Variants in PTPRA observed in about 807,000 individuals in gnomAD.
The protein encoded by PTPRA is receptor-type tyrosine-protein phosphatase alpha.
Under a neutral mutation model 104.8 loss-of-function variants are expected in PTPRA, and 25 were observed. The observed-to-expected ratio is 0.24, with a 90% confidence interval of 0.17 to 0.33. The LOEUF (loss-of-function observed/expected upper bound fraction) is 0.33, where lower values mean the gene tolerates loss of function less well. Among genes scored for constraint, PTPRA ranks in the 10% least tolerant of loss-of-function variants. The probability of loss-of-function intolerance (pLI) is 1.00; values close to 1 mark genes in which losing one functional copy is unlikely to be tolerated. For synonymous variants in PTPRA, 323 were observed against 368.9 expected (o/e 0.88, Z 1.43); for missense variants, 765 against 1,015.3 (o/e 0.75, Z 3.35).
chr20:3,031,561 C>G (rs937889608), intron 20 of PTPRA, among the ~76,000 whole-genome samples: 2 of 152,172 alleles, frequency 1.3e-5, no homozygotes, highest in Non-Finnish European at 2.9e-5. Context: ...CCTCAGCCAC[C>G]TGATCCCATG....
At chr20:2,943,217 C>T (rs936781352) in intron 2 of PTPRA, among the ~76,000 whole-genome samples, 2 of 145,616 alleles carry the variant, frequency 1.4e-5, no homozygotes, top group Admixed American at 6.8e-5. Context: ...CCCCCCACCC[C>T]CCCCCCAGAT....
chr20:3,002,288 C>T (rs1206346806), intron 9 of PTPRA, among the ~76,000 whole-genome samples: 1 of 151,576 alleles, frequency 6.6e-6, no homozygotes, highest in Non-Finnish European at 1.5e-5. Context: ...CTTCCCAGTC[C>T]ACTTTTGCCT....
chr20:2,981,709 A>C (rs1230231393), intron 6 of PTPRA, among the ~76,000 whole-genome samples: 4 of 152,176 alleles, frequency 2.6e-5, no homozygotes, highest in Non-Finnish European at 5.9e-5. Context: ...CTGTGGGTGT[A>C]CTGGTGCTGG....
At position 3,035,957 on chromosome 20, in the gene PTPRA, GCCCT is replaced by G; in HGVS notation, c.2198+18_2198+21del. On this transcript the variant is annotated intron_variant, in intron 22 of 23. Transcript: ENST00000399903. The surrounding 1 kb of genome is among the most constrained non-coding windows in gnomAD (Gnocchi z 5.8). ...TGCACTGCAGGTATGGCTCACCCTT[GCCCT>G]CAGCGGGAGAGAGAAAGCGAGGAGG... The G allele has an allele frequency of 6.2e-7, 1 of 1,613,106 alleles. No individual in the cohort carries two copies. Among genetic ancestry groups the G allele is most frequent in the Non-Finnish European group, 8.5e-7 (1 of 1,179,964 alleles).
intron 5 of PTPRA, among the ~76,000 whole-genome samples, chr20:2,969,953 G>A (rs1265786253): frequency 1.4e-5 from 2 of 143,048 alleles, no homozygotes; most frequent in Non-Finnish European, 3.0e-5. Context: ...CTGGGCAACA[G>A]AGCAAGACTC....
At chr20:2,994,271 G>C (rs1406344326) in intron 9 of PTPRA, among the ~76,000 whole-genome samples, 1 of 152,160 alleles carries the variant, frequency 6.6e-6, no homozygotes, top group Non-Finnish European at 1.5e-5. Context: ...TTATTGAAGG[G>C]TTCTGGGTCT....
At chr20:2,915,698 T>C (rs867962309) in intron 1 of PTPRA, among the ~76,000 whole-genome samples, 4 of 152,222 alleles carry the variant, frequency 2.6e-5, no homozygotes, top group Non-Finnish European at 5.9e-5. Flanking sequence ...AAGAATTTTA[T>C]AGTTTTAGAC....
At chr20:2,871,366 C>T (rs1280174024), upstream of PTPRA, among the ~76,000 whole-genome samples, 1 of 152,056 alleles carries the variant, frequency 6.6e-6, no homozygotes, top group Non-Finnish European at 1.5e-5. Context: ...ACTACCACGC[C>T]CAACAACAAT....
chr20:2,910,589 G>GTTTTTTTTTTTT (rs1423909050), intron 1 of PTPRA, among the ~76,000 whole-genome samples: 84 of 57,826 alleles, frequency 1.5e-3, no homozygotes, highest in African/African-American at 3.1e-3. Context: ...TTTTTTTTTT[G>GTTTTTTTTTTTT]TTTTTTTTTT....
chr20:2,994,682 A>G (rs191497782), intron 9 of PTPRA, among the ~76,000 whole-genome samples: 84 of 152,292 alleles, frequency 5.5e-4, no homozygotes, highest in African/African-American at 1.9e-3. Flanking sequence ...CTTTGTGCCC[A>G]GGTTTTTCTG....
chr20:2,904,992 T>C (rs776373950), intron 1 of PTPRA, among the ~76,000 whole-genome samples: 4 of 152,186 alleles, frequency 2.6e-5, no homozygotes, highest in Admixed American at 1.3e-4. Flanking sequence ...TGTTAGGAAC[T>C]GGGCCACACA....
chr20:3,027,095 G>C, intron 18 of PTPRA, 26 bp from the exon 19 acceptor site: 1 of 1,610,950 alleles, frequency 6.2e-7, no homozygotes. Context: ...ATATTGGCTA[G>C]CCATAAGCCG....
intron 3 of PTPRA, among the ~76,000 whole-genome samples, chr20:2,952,844 G>A (rs1280687511): frequency 6.6e-6 from 1 of 152,170 alleles, no homozygotes; most frequent in African/African-American, 2.4e-5. Flanking sequence ...TGGCTTATTA[G>A]TATAATGTCT....
rs752768786 is a variant in PTPRA, at chr20:2,987,951, T to C, written c.528-81T>C. On this transcript the variant is annotated intron_variant, in intron 7 of 23. Coordinates refer to ENST00000399903, the MANE Select transcript of PTPRA (RefSeq NM_001385305.1). ...TTAAAGGCGATTTAGAAAGGCTGAA[T>C]TGATGAGCAGGAATACAGAGGTGTG... 7.8e-6 allele frequency: 10 copies of C among 1,283,910 alleles called. No individual in the cohort carries two copies. The East Asian group carries it at 1.4e-4, about 18-fold the overall frequency. 79.5% of individuals were successfully genotyped at this position (1,283,910 alleles called of 1,614,324 possible). A position where few individuals can be genotyped will look rare whatever the true frequency, so the allele number is the denominator to read the frequency against.
At position 3,036,575 on chromosome 20, in the gene PTPRA, C is replaced by T. The variant is rs144291694; in HGVS notation, c.2199-579C>T. ...TGAGTACCCTGCCAGAACTCCCACTCCTCTTTTCTCTTTCCTTACCACACA... is the reference window on the plus strand; with the variant it reads ...TGAGTACCCTGCCAGAACTCCCACTTCTCTTTTCTCTTTCCTTACCACACA... On this transcript the variant is annotated intron_variant, in intron 22 of 23. Coordinates refer to ENST00000399903, the MANE Select transcript of PTPRA (RefSeq NM_001385305.1). 5.9e-5 allele frequency among the ~76,000 whole-genome samples: 9 copies of T among 152,348 alleles called. 1 individual carries two copies. Among genetic ancestry groups the T allele is most frequent in the African/African-American group, 1.9e-4 (8 of 41,588 alleles).
At position 3,008,740 on chromosome 20, in the gene PTPRA, A is replaced by AAC. The variant is rs1194570705; in HGVS notation, c.906+1321_906+1322insCA. Among the ~76,000 whole-genome samples the AAC allele has an allele frequency of 2.4e-3, 287 of 118,926 alleles. No individual in the cohort carries two copies. In the South Asian group the frequency reaches 0.025, roughly 11 times the overall value. The allele number at this position is 118,926 out of a possible 152,430, so 78.0% of individuals were successfully genotyped here. A position where few individuals can be genotyped will look rare whatever the true frequency, so the allele number is the denominator to read the frequency against. The stretch of plus-strand genomic sequence containing the variant: ...ACCTCATCTCTACTAAAAAAAAAAA[A>AAC]AAAACAAAAAAAAAAAAAACAACTT... On this transcript the variant is annotated intron_variant, in intron 11 of 23. Transcript: ENST00000399903.
rs1004116510 is a variant in PTPRA, at chr20:3,022,596, C to T, written c.1329-93C>T. 16 of 1,552,654 alleles carry T rather than the reference C, an allele frequency of 1.0e-5. No individual in the cohort carries two copies. In the Admixed American group the frequency reaches 2.9e-4, roughly 28 times the overall value. Reference sequence around the variant, plus strand: ...CCCATTCAGAATTAGGATTTAGACCCTGAAGGAAGAGCCCCTGCCTGTGTT... The same window carrying T: ...CCCATTCAGAATTAGGATTTAGACCTTGAAGGAAGAGCCCCTGCCTGTGTT... On this transcript the variant is annotated intron_variant, in intron 15 of 23. Coordinates refer to ENST00000399903, the MANE Select transcript of PTPRA (RefSeq NM_001385305.1). The surrounding 1 kb of genome is among the most constrained non-coding windows in gnomAD (Gnocchi z 4.6).
chr20:2,881,455 G>C (rs1287264462), intron 1 of PTPRA, among the ~76,000 whole-genome samples: 1 of 152,074 alleles, frequency 6.6e-6, no homozygotes, highest in African/African-American at 2.4e-5. Context: ...AAAGATAAAG[G>C]ATATTCCATC....
chr20:2,988,565 A>G, intron 9 of PTPRA, 91 bp downstream of exon 9: 1 of 1,517,696 alleles, frequency 6.6e-7, no homozygotes, highest in South Asian at 1.3e-5. Flanking sequence ...GAAGTAAAAA[A>G]TGGGCTTTTA....
Sources: gnomAD v4.1 joint callset for allele counts (sites outside exome capture counted in the v4.1 genomes callset) on GRCh38, gnomAD v4.1.1 for gene constraint, Gnocchi (gnomAD v3.1) non-coding constraint, MANE v1.5 for transcripts, NCBI Gene and HGNC (gene_info 2026-07-23, HGNC 2026-07-21) for gene names.